Variants in FAM110B observed in about 807,000 individuals in gnomAD.
FAM110B encodes the protein family with sequence similarity 110 member B.
A neutral mutation model predicts 20.4 loss-of-function variants in FAM110B; 6 were observed. The observed-to-expected ratio is 0.29, with a 90% confidence interval of 0.16 to 0.58. The LOEUF (loss-of-function observed/expected upper bound fraction) is 0.58, where lower values mean the gene tolerates loss of function less well. Ranked by LOEUF, FAM110B falls within the 20% of genes least tolerant of loss-of-function variation. The probability of loss-of-function intolerance (pLI) is 0.90; values close to 1 mark genes in which losing one functional copy is unlikely to be tolerated. For synonymous variants in FAM110B, 226 were observed against 214.1 expected, an observed-to-expected ratio of 1.06 and a Z score of -0.49; for missense variants, 434 against 498.2, an observed-to-expected ratio of 0.87 and a Z score of 1.23.
At chr8:58,077,303 G>A (rs1406299262) in intron 3 of FAM110B, 1 of 152,296 alleles carries the variant, frequency 6.6e-6, no homozygotes, top group Non-Finnish European at 1.5e-5. Flanking sequence ...ATCCTAGAGA[G>A]CTGAGGGGTT....
At chr8:58,025,348 A>G (rs1263504366) in intron 1 of FAM110B, among the ~76,000 whole-genome samples, 4 of 152,126 alleles carry the variant, frequency 2.6e-5, no homozygotes, top group African/African-American at 9.7e-5. Flanking sequence ...ATTATTTCAG[A>G]CAGTGGGTAG....
intron 3 of FAM110B, among the ~76,000 whole-genome samples, chr8:58,086,597 G>C (rs920508459): frequency 6.6e-6 from 1 of 152,108 alleles, no homozygotes; most frequent in African/African-American, 2.4e-5. Flanking sequence ...GGCACTTAAC[G>C]TTACGCATAA....
intron 1 of FAM110B, among the ~76,000 whole-genome samples, chr8:57,998,169 G>A (rs774754446): frequency 2.6e-5 from 4 of 152,220 alleles, no homozygotes; most frequent in Non-Finnish European, 5.9e-5. Context: ...GCCACTTTTA[G>A]TTTTCAGGGG....
At position 58,115,007 on chromosome 8, in the gene FAM110B, G is replaced by GT. The variant is rs67361448; in HGVS notation, c.-324-30886dup. On this transcript the variant is annotated intron_variant, in intron 3 of 3. Transcript: ENST00000519262. ...CACCAGTCCTCTCTATTGGAAAGTT[G>GT]TTTTTTTTTTTTTTCTTAATTAGTA... 4.6e-3 allele frequency among the ~76,000 whole-genome samples: 660 copies of GT among 144,132 alleles called. 2 individuals carry two copies. The highest frequency in any genetic ancestry group is 9.8e-3 in the East Asian group (47 of 4,804). 94.6% of individuals were successfully genotyped at this position (144,132 alleles called of 152,430 possible). A position where few individuals can be genotyped will look rare whatever the true frequency, so the allele number is the denominator to read the frequency against.
At chr8:58,006,160 T>G (rs1167692571) in intron 1 of FAM110B, among the ~76,000 whole-genome samples, 1 of 152,240 alleles carries the variant, frequency 6.6e-6, no homozygotes, top group Non-Finnish European at 1.5e-5. Context: ...TTGAAATAGT[T>G]GATGTGCTCC....
intron 3 of FAM110B, among the ~76,000 whole-genome samples, chr8:58,114,508 C>T (rs964070450): frequency 9.2e-5 from 14 of 152,272 alleles, no homozygotes; most frequent in African/African-American, 3.1e-4. Context: ...ATTGCTGCTC[C>T]AAGTTCACCT....
At chr8:58,039,368 C>T (rs1364819810) in intron 2 of FAM110B, among the ~76,000 whole-genome samples, 1 of 152,182 alleles carries the variant, frequency 6.6e-6, no homozygotes, top group Non-Finnish European at 1.5e-5. Flanking sequence ...CCGAGGCAGG[C>T]GAGTCCACCC....
intron 3 of FAM110B, among the ~76,000 whole-genome samples, chr8:58,094,401 T>C (rs1250167083): frequency 6.6e-6 from 1 of 152,218 alleles, no homozygotes; most frequent in Non-Finnish European, 1.5e-5. Context: ...TAAATAGCTC[T>C]TATTATTTTG....
Position 58,087,317 on chromosome 8 carries a change from C to T in FAM110B, c.-325+11694C>T, listed in dbSNP as rs536595844. Among the ~76,000 whole-genome samples, 45 of 152,276 alleles carry T rather than the reference C, an allele frequency of 3.0e-4. 1 individual carries two copies. The East Asian group carries it at 6.4e-3, about 22-fold the overall frequency. On this transcript the variant is annotated intron_variant, in intron 3 of 3. Coordinates refer to ENST00000519262, the MANE Select transcript of FAM110B (RefSeq NM_001377989.1). ...TCACCTATCTGTCTGTGACTTAGATCGGTGGGCTTCGCTTCCAGTTCTCTG... is the reference window on the plus strand; with the variant it reads ...TCACCTATCTGTCTGTGACTTAGATTGGTGGGCTTCGCTTCCAGTTCTCTG...
intron 1 of FAM110B, among the ~76,000 whole-genome samples, chr8:57,998,926 T>G (rs1804238038): frequency 6.6e-6 from 1 of 152,206 alleles, no homozygotes; most frequent in South Asian, 2.1e-4. Context: ...ATCTTAGATT[T>G]CCTTATACTT....
At chr8:58,103,482 C>A (rs938279773) in intron 3 of FAM110B, among the ~76,000 whole-genome samples, 1 of 152,068 alleles carries the variant, frequency 6.6e-6, no homozygotes, top group African/African-American at 2.4e-5. Context: ...TTCATCCATG[C>A]CCCTACAAAG....
chr8:58,132,345 A>G (rs1241598266), intron 3 of FAM110B, among the ~76,000 whole-genome samples: 3 of 151,956 alleles, frequency 2.0e-5, no homozygotes, highest in African/African-American at 7.3e-5. Flanking sequence ...TGAAAGCAGC[A>G]TGGGGCTTGG....
At chr8:58,107,380 C>T (rs568118431) in intron 3 of FAM110B, among the ~76,000 whole-genome samples, 3 of 151,996 alleles carry the variant, frequency 2.0e-5, no homozygotes, top group Admixed American at 6.5e-5. Flanking sequence ...GAAGGCCCAC[C>T]GGGATTCTCC....
chr8:58,075,049 T>C (rs1362687517), intron 2 of FAM110B, among the ~76,000 whole-genome samples: 1 of 152,178 alleles, frequency 6.6e-6, no homozygotes, highest in South Asian at 2.1e-4. Context: ...TAAAAACTAA[T>C]GCATTTTGGT....
At chr8:58,053,884 A>T (rs1805503610) in intron 2 of FAM110B, among the ~76,000 whole-genome samples, 1 of 152,236 alleles carries the variant, frequency 6.6e-6, no homozygotes, top group African/African-American at 2.4e-5. Context: ...AATTTAACGT[A>T]GGTTACTTGA....
chr8:58,017,250 G>T (rs990345611), intron 1 of FAM110B, among the ~76,000 whole-genome samples: 1 of 152,192 alleles, frequency 6.6e-6, no homozygotes, highest in Non-Finnish European at 1.5e-5. Flanking sequence ...AACCCTGAAA[G>T]GTAGATAAGT....
At chr8:58,099,148 G>A (rs1185201255) in intron 3 of FAM110B, 2 of 152,156 alleles carry the variant, frequency 1.3e-5, no homozygotes, top group Non-Finnish European at 2.9e-5. Context: ...CTCAAGGGAT[G>A]TAGACAAATA....
chr8:58,132,525 G>A (rs549153567), intron 3 of FAM110B, among the ~76,000 whole-genome samples: 2 of 152,246 alleles, frequency 1.3e-5, no homozygotes, highest in East Asian at 1.9e-4. Flanking sequence ...GCCCCGAGGT[G>A]GACAGCAGCT....
At chr8:58,130,342 C>T (rs1461866050) in intron 3 of FAM110B, among the ~76,000 whole-genome samples, 2 of 152,160 alleles carry the variant, frequency 1.3e-5, no homozygotes, top group Non-Finnish European at 2.9e-5. Flanking sequence ...ATCATGAGTC[C>T]TGGTATCAGC....
Sources: gnomAD v4.1 joint callset for allele counts (sites outside exome capture counted in the v4.1 genomes callset) on GRCh38, gnomAD v4.1.1 for gene constraint, MANE v1.5 for transcripts, NCBI Gene and HGNC (gene_info 2026-07-23, HGNC 2026-07-21) for gene names.